Variants in APBA1 observed in about 807,000 individuals in gnomAD.
The protein encoded by APBA1 is amyloid beta precursor protein binding family A member 1, also known as amyloid-beta A4 precursor protein-binding family A member 1.
Under a neutral mutation model 86.6 loss-of-function variants are expected in APBA1, and 55 were observed. The observed-to-expected ratio is 0.64, with a 90% CI of 0.51 to 0.80. The LOEUF (loss-of-function observed/expected upper bound fraction) is 0.80, where lower values mean the gene tolerates loss of function less well. Ranked by LOEUF, APBA1 falls within the 30% of genes least tolerant of loss-of-function variation. APBA1 has a pLI of 0.00. For missense variants in APBA1, 1,090 were observed against 1,183.0 expected, an observed-to-expected ratio of 0.92 and a Z score of 1.15; for synonymous variants, 511 against 493.9, an observed-to-expected ratio of 1.03 and a Z score of -0.46.
chr9:69,582,911 G>C (rs1821942389), intron 1 of APBA1, among the ~76,000 whole-genome samples: 1 of 152,154 alleles, frequency 6.6e-6, no homozygotes. Flanking sequence ...TGAAACAAAT[G>C]AATGAAGAAA....
rs1416979201 is a variant in APBA1 at position 69,516,455 on chromosome 9, C to T, written c.756G>A (p.Glu252=). 1.9e-6 allele frequency: 3 copies of T among 1,603,532 alleles called. No individual in the cohort carries two copies. The highest frequency in any genetic ancestry group is 1.3e-5 in the African/African-American group (1 of 74,820). Residue 252 remains glutamate (E), a synonymous_variant, in exon 2 of 13, where the codon GAG becomes GAA. Coordinates refer to ENST00000265381, the MANE Select transcript of APBA1 (RefSeq NM_001163.4). This position sits in a 1 kb window ranked among gnomAD's most constrained non-coding sequence, Gnocchi z 7.3. The part of the protein sequence containing the change: ...SDGESDSPEK[E]AEFAPYPRMD... ...TGCGCGGGTAGGGCGCGAACTCGGC[C>T]TCCTTCTCGGGGCTGTCGGACTCGC...
intron 2 of APBA1, among the ~76,000 whole-genome samples, chr9:69,493,683 ATAG>A (rs1204599222): frequency 6.6e-6 from 1 of 152,168 alleles, no homozygotes; most frequent in South Asian, 2.1e-4. Flanking sequence ...CATAAAATAT[ATAG>A]TAGGAGTTCA....
At chr9:69,499,164 C>T (rs953847114) in intron 2 of APBA1, among the ~76,000 whole-genome samples, 3 of 152,096 alleles carry the variant, frequency 2.0e-5, no homozygotes, top group Non-Finnish European at 4.4e-5. Flanking sequence ...GGAATGTATA[C>T]TCTTCTGCAG....
At chr9:69,538,377 T>A (rs1836547425) in intron 1 of APBA1, among the ~76,000 whole-genome samples, 1 of 152,252 alleles carries the variant, frequency 6.6e-6, no homozygotes, top group Admixed American at 6.5e-5. Flanking sequence ...AAATCTGTGC[T>A]GATTTTCCCT....
intron 11 of APBA1, among the ~76,000 whole-genome samples, chr9:69,434,171 G>T (rs1426595904): frequency 6.6e-6 from 1 of 152,190 alleles, no homozygotes; most frequent in African/African-American, 2.4e-5. Context: ...CCCAGGCTTG[G>T]GAGTCAGCTG....
chr9:69,456,938 C>T, intron 7 of APBA1, 115 bp downstream of exon 7: 1 of 867,156 alleles, frequency 1.2e-6, no homozygotes, highest in Non-Finnish European at 1.8e-6. Flanking sequence ...CTCACTGGGG[C>T]CCAGAATCTA....
intron 2 of APBA1, among the ~76,000 whole-genome samples, chr9:69,512,030 A>T (rs1836054749): frequency 6.6e-6 from 1 of 151,996 alleles, no homozygotes; most frequent in Non-Finnish European, 1.5e-5. Flanking sequence ...ATATGTAACT[A>T]ACCTGCACAA....
chr9:69,516,480 C>T lies in APBA1; in HGVS notation c.731G>A (p.Gly244Asp), dbSNP rs746956400. The part of the protein sequence containing the change: ...RLHHYDERSD[G>D]ESDSPEKEAE... Reference sequence around the variant, plus strand: ...CTCCTTCTCGGGGCTGTCGGACTCGCCGTCGGAGCGCTCGTCGTAATGGTG... The same window carrying T: ...CTCCTTCTCGGGGCTGTCGGACTCGTCGTCGGAGCGCTCGTCGTAATGGTG... Residue 244 changes from glycine to aspartate, a missense_variant, in exon 2 of 13, where the codon GGC (glycine) becomes GAC (aspartate). Gly to Asp is a moderately conservative substitution (Grantham distance 94). This residue lies in a region of APBA1 where 678 missense variants were observed against 647.1 expected (regional missense o/e 1.05). Coordinates refer to ENST00000265381, the MANE Select transcript of APBA1 (RefSeq NM_001163.4). This position sits in a 1 kb window ranked among gnomAD's most constrained non-coding sequence, Gnocchi z 7.3. 1.9e-6 allele frequency: 3 copies of T among 1,600,210 alleles called. No individual in the cohort carries two copies. Among genetic ancestry groups the T allele is most frequent in the South Asian group, 2.2e-5 (2 of 90,838 alleles).
At chr9:69,452,742 G>A (rs191838519) in intron 8 of APBA1, among the ~76,000 whole-genome samples, 42 of 152,214 alleles carry the variant, frequency 2.8e-4, no homozygotes, top group African/African-American at 8.9e-4. Flanking sequence ...AATACACATC[G>A]AACATTTCAA....
At chr9:69,435,447 C>G (rs1588280665) in intron 11 of APBA1, among the ~76,000 whole-genome samples, 1 of 152,208 alleles carries the variant, frequency 6.6e-6, no homozygotes, top group East Asian at 1.9e-4. Flanking sequence ...CACATCCTCT[C>G]CAGCACCTGT....
chr9:69,503,892 C>T (rs1458909500), intron 2 of APBA1, among the ~76,000 whole-genome samples: 1 of 152,070 alleles, frequency 6.6e-6, no homozygotes, highest in Non-Finnish European at 1.5e-5. Flanking sequence ...AGGTTGGGTC[C>T]CCCGTTTCCT....
intron 2 of APBA1, among the ~76,000 whole-genome samples, chr9:69,502,098 G>A (rs545281967): frequency 1.7e-3 from 264 of 152,202 alleles, no homozygotes; most frequent in Middle Eastern, 0.01. Context: ...TCTTGGGAGA[G>A]GGGTCAGGCA....
intron 1 of APBA1, among the ~76,000 whole-genome samples, chr9:69,618,883 T>A (rs1391765003): frequency 6.6e-6 from 1 of 152,252 alleles, no homozygotes; most frequent in Non-Finnish European, 1.5e-5. Flanking sequence ...CCCTACTAGC[T>A]GGGGTATCTT....
intron 7 of APBA1, among the ~76,000 whole-genome samples, 163 bp from the exon 8 acceptor site, chr9:69,456,595 G>A (rs1388064272): frequency 2.0e-5 from 3 of 152,122 alleles, no homozygotes; most frequent in Non-Finnish European, 2.9e-5. Flanking sequence ...CACCCAGGCC[G>A]GAGGGCATTT....
At chr9:69,483,865 C>G (rs1238799094) in intron 2 of APBA1, among the ~76,000 whole-genome samples, 3 of 152,066 alleles carry the variant, frequency 2.0e-5, no homozygotes, top group Non-Finnish European at 4.4e-5. Flanking sequence ...GCCCCACATG[C>G]CTTCAAGAAG....
chr9:69,576,514 T>C (rs550451037), intron 1 of APBA1, among the ~76,000 whole-genome samples: 2 of 152,320 alleles, frequency 1.3e-5, no homozygotes, highest in Admixed American at 6.5e-5. Flanking sequence ...CACCATGGAA[T>C]ACTATGCAGC....
intron 1 of APBA1, among the ~76,000 whole-genome samples, chr9:69,671,064 C>T (rs1823939639): frequency 6.6e-6 from 1 of 152,096 alleles, no homozygotes; most frequent in African/African-American, 2.4e-5. Context: ...GTATACACCT[C>T]CAGAGTTCAT....
Position 69,456,409 on chromosome 9 carries a change from C to G in APBA1, c.1626G>C (p.Leu542=), listed in dbSNP as rs140724658. Residue 542 remains leucine, a synonymous_variant, in exon 8 of 13, where the codon CTG becomes CTC. Coordinates refer to ENST00000265381, the MANE Select transcript of APBA1 (RefSeq NM_001163.4). Reference sequence around the variant, plus strand: ...TGTCCGCAATGTAGGAAATGGTCCTCAGAGGGTGGTCCATCATTGTCTCCT... The same window carrying G: ...TGTCCGCAATGTAGGAAATGGTCCTGAGAGGGTGGTCCATCATTGTCTCCT... ...DTQETMMDHP[L]RTISYIADIG... is the part of the protein sequence containing the mutation. The G allele has an allele frequency of 1.9e-6, 3 of 1,604,900 alleles. No individual in the cohort carries two copies. The South Asian group carries it at 3.3e-5, about 18-fold the overall frequency.
At chr9:69,511,844 A>G (rs1836048946) in intron 2 of APBA1, among the ~76,000 whole-genome samples, 1 of 150,214 alleles carries the variant, frequency 6.7e-6, no homozygotes, top group South Asian at 2.1e-4. Context: ...AACACCGCAT[A>G]TTCTCACTCA....
Sources: allele counts gnomAD v4.1 joint callset (sites outside exome capture counted in the v4.1 genomes callset), GRCh38; gene constraint gnomAD v4.1.1; regional missense constraint gnomAD v4.1.1; non-coding constraint Gnocchi (gnomAD v3.1); transcripts MANE v1.5; gene names NCBI Gene and HGNC (gene_info 2026-07-23, HGNC 2026-07-21).